Variants in CHST9 observed in about 807,000 individuals in gnomAD.
CHST9 encodes carbohydrate sulfotransferase 9, also known as GalNAc-4-sulfotransferase 2.
In CHST9, 41 loss-of-function variants were observed where a neutral mutation model predicts 44.4. That is an observed-to-expected ratio of 0.92 (90% CI 0.72 to 1.20). The LOEUF (loss-of-function observed/expected upper bound fraction) is 1.20, where lower values mean the gene tolerates loss of function less well. Among genes scored for constraint, CHST9 ranks in the 50% most tolerant of loss-of-function variants. CHST9 has a pLI of 0.00. For synonymous variants in CHST9, 171 were observed against 178.4 expected, an observed-to-expected ratio of 0.96 and a Z score of 0.33; for missense variants, 504 against 516.5, an observed-to-expected ratio of 0.98 and a Z score of 0.23.
At chr18:27,039,493 G>A (rs975980894) in intron 3 of CHST9, among the ~76,000 whole-genome samples, 8 of 152,016 alleles carry the variant, frequency 5.3e-5, no homozygotes, top group Non-Finnish European at 7.4e-5. Flanking sequence ...TGCTTGCCAG[G>A]GACAGAGGGA....
At chr18:26,938,246 TTAAG>T (rs1432978291) in intron 5 of CHST9, among the ~76,000 whole-genome samples, 1 of 152,210 alleles carries the variant, frequency 6.6e-6, no homozygotes, top group Non-Finnish European at 1.5e-5. Context: ...ACATTTACAC[TTAAG>T]TATTTTCTAG....
At chr18:26,951,878 T>G (rs2056252523) in intron 4 of CHST9, among the ~76,000 whole-genome samples, 1 of 152,148 alleles carries the variant, frequency 6.6e-6, no homozygotes, top group African/African-American at 2.4e-5. Context: ...ACCTCTAGAC[T>G]AGGTTGCTGG....
At chr18:27,004,621 C>T (rs935723869) in intron 4 of CHST9, among the ~76,000 whole-genome samples, 1 of 152,008 alleles carries the variant, frequency 6.6e-6, no homozygotes, top group Non-Finnish European at 1.5e-5. Flanking sequence ...ATTTTATATC[C>T]CTAAGTGCCC....
Position 27,112,597 on chromosome 18 carries a change from G to GTGTGTGTGTGTGTT in CHST9, c.121+30091_121+30092insAACACACACACACA, listed in dbSNP as rs1555624903. Among the ~76,000 whole-genome samples, 782 of 150,502 alleles carry GTGTGTGTGTGTGTT rather than the reference G, an allele frequency of 5.2e-3. 8 individuals are homozygous for GTGTGTGTGTGTGTT. Among genetic ancestry groups the GTGTGTGTGTGTGTT allele is most frequent in the African/African-American group, 0.018 (753 of 40,886 alleles). On this transcript the variant is annotated intron_variant, in intron 2 of 5. Transcript: ENST00000618847. ...ATTCAACGTGTGTGTGTGTGTGTGT[G>GTGTGTGTGTGTGTT]TGTGTGTGTGTGTGTGTGTAGGATA...
chr18:27,020,954 C>G (rs1175920771), intron 4 of CHST9, among the ~76,000 whole-genome samples: 3 of 152,112 alleles, frequency 2.0e-5, no homozygotes, highest in Non-Finnish European at 2.9e-5. Context: ...CTGTTGCAAC[C>G]AGCAAATTCT....
chr18:27,147,387 A>G (rs571551810), intron 1 of CHST9, among the ~76,000 whole-genome samples: 298 of 152,184 alleles, frequency 2.0e-3, no homozygotes, highest in African/African-American at 6.6e-3. Flanking sequence ...ATTTTAAGGA[A>G]GGAGTGGTGG....
At chr18:26,993,829 G>T (rs2145212933) in intron 4 of CHST9, among the ~76,000 whole-genome samples, 1 of 152,288 alleles carries the variant, frequency 6.6e-6, no homozygotes. Context: ...GTTTGCTAGG[G>T]CTGTCATAAC....
At chr18:26,925,380 T>G (rs1398821786) in intron 5 of CHST9, among the ~76,000 whole-genome samples, 1 of 152,182 alleles carries the variant, frequency 6.6e-6, no homozygotes, top group East Asian at 1.9e-4. Flanking sequence ...ATTTTACAGA[T>G]TAAGAACCTG....
intron 5 of CHST9, among the ~76,000 whole-genome samples, chr18:26,938,939 A>G (rs1476226937): frequency 6.6e-6 from 1 of 152,218 alleles, no homozygotes; most frequent in Non-Finnish European, 1.5e-5. Flanking sequence ...TATAGGGAGT[A>G]GACTCTAAAT....
chr18:27,085,003 G>A (rs1253319885), intron 2 of CHST9, among the ~76,000 whole-genome samples: 1 of 152,050 alleles, frequency 6.6e-6, no homozygotes, highest in East Asian at 1.9e-4. Context: ...ACTGTGGTGT[G>A]AGAGTATGGT....
chr18:26,970,556 G>A (rs1417410260), intron 4 of CHST9, among the ~76,000 whole-genome samples: 2 of 152,160 alleles, frequency 1.3e-5, no homozygotes, highest in African/African-American at 2.4e-5. Flanking sequence ...AGCCTCCCAA[G>A]TAGCTGGGAC....
intron 3 of CHST9, among the ~76,000 whole-genome samples, chr18:27,029,822 G>A (rs910904557): frequency 2.0e-5 from 3 of 152,150 alleles, no homozygotes; most frequent in Admixed American, 6.5e-5. Flanking sequence ...ATCCATGGAT[G>A]CAGAAACCGA....
At chr18:27,023,397 A>C (rs555974634) in intron 4 of CHST9, among the ~76,000 whole-genome samples, 9 of 152,346 alleles carry the variant, frequency 5.9e-5, no homozygotes, top group African/African-American at 1.7e-4. Context: ...GGAGGAGAGG[A>C]AGATCTAGCC....
intron 2 of CHST9, among the ~76,000 whole-genome samples, chr18:27,099,045 C>A (rs1003318483): frequency 3.3e-5 from 5 of 152,090 alleles, no homozygotes; most frequent in South Asian, 2.1e-4. Flanking sequence ...TGCATGCCTA[C>A]AGCCATCTGA....
chr18:26,987,512 C>A (rs1409629658), intron 4 of CHST9, among the ~76,000 whole-genome samples: 1 of 151,810 alleles, frequency 6.6e-6, no homozygotes, highest in East Asian at 1.9e-4. Context: ...ATTGACTAAG[C>A]AAAAATAATA....
chr18:26,931,890 G>C (rs1309389480), intron 5 of CHST9, among the ~76,000 whole-genome samples: 1 of 152,022 alleles, frequency 6.6e-6, no homozygotes, highest in East Asian at 1.9e-4. Flanking sequence ...TTAATTGCTG[G>C]AGGTGGGATT....
intron 1 of CHST9, among the ~76,000 whole-genome samples, chr18:27,180,732 T>C (rs1442451355): frequency 1.3e-5 from 2 of 152,198 alleles, no homozygotes; most frequent in African/African-American, 4.8e-5. Context: ...TTTCTGCAAC[T>C]GTAAAATGAG....
intron 1 of CHST9, among the ~76,000 whole-genome samples, chr18:27,170,884 T>A (rs769900001): frequency 1.5e-4 from 23 of 152,172 alleles, no homozygotes; most frequent in Non-Finnish European, 2.9e-4. Flanking sequence ...GTCCAGCAAA[T>A]CTTACTGGAA....
chr18:27,041,336 T>G (rs890014259), intron 3 of CHST9, among the ~76,000 whole-genome samples: 2 of 152,186 alleles, frequency 1.3e-5, no homozygotes, highest in African/African-American at 4.8e-5. Context: ...TAACACCAAC[T>G]ATGAAATTAT....
Sources: gnomAD v4.1 joint callset for allele counts (sites outside exome capture counted in the v4.1 genomes callset) on GRCh38, gnomAD v4.1.1 for gene constraint, MANE v1.5 for transcripts, NCBI Gene and HGNC (gene_info 2026-07-23, HGNC 2026-07-21) for gene names.